Variants in LRRN2 observed in about 807,000 individuals in gnomAD.
LRRN2 encodes leucine-rich repeat neuronal protein 2.
A neutral mutation model predicts 35.7 loss-of-function variants in LRRN2; 10 were observed. That is an observed-to-expected ratio of 0.28 (90% CI 0.17 to 0.47). The LOEUF (loss-of-function observed/expected upper bound fraction) is 0.47. Ranked by LOEUF, LRRN2 falls within the 20% of genes least tolerant of loss-of-function variation. The pLI is 0.99. For synonymous variants in LRRN2, 391 were observed against 409.6 expected (o/e 0.95, Z 0.55); for missense variants, 731 against 940.3 (o/e 0.78, Z 2.91).
At position 204,636,736 on chromosome 1, in the gene LRRN2, G is replaced by A. The variant is rs138728866; in HGVS notation, c.-226-16518C>T. Among the ~76,000 whole-genome samples, 629 of 152,290 alleles carry A rather than the reference G, an allele frequency of 4.1e-3. 7 individuals carry two copies. Among genetic ancestry groups the A allele is most frequent in the African/African-American group, 0.014 (599 of 41,548 alleles). ...GCCATGATCGCATGACTGCACTCCA[G>A]CCTGGGAGACAGAGGGTGACTCTGT... On this transcript the variant is annotated intron_variant, in intron 1 of 1. Coordinates refer to ENST00000367177, the MANE Select transcript of LRRN2 (RefSeq NM_201630.2).
intron 1 of LRRN2, among the ~76,000 whole-genome samples, chr1:204,666,962 CAAAAAAAAAAAA>C (rs34503593): frequency 3.1e-5 from 2 of 64,814 alleles, no homozygotes; most frequent in African/African-American, 1.3e-4. Flanking sequence ...ACTCTGTCTC[CAAAAAAAAAAAA>C]AAAAAAAAAA....
chr1:204,652,326 C>CATT (rs1668254827), intron 1 of LRRN2, among the ~76,000 whole-genome samples: 2 of 143,788 alleles, frequency 1.4e-5, no homozygotes, highest in Admixed American at 7.2e-5. Context: ...GGCGCCTTGA[C>CATT]ATTAACCCAC....
chr1:204,683,192 GC>G (rs1464973171), intron 1 of LRRN2, among the ~76,000 whole-genome samples: 1 of 152,240 alleles, frequency 6.6e-6, no homozygotes, highest in Non-Finnish European at 1.5e-5. Flanking sequence ...AGGCCCACCA[GC>G]CCAGGCTCCT....
chr1:204,669,000 C>A (rs1256049110), intron 1 of LRRN2, among the ~76,000 whole-genome samples: 1 of 152,066 alleles, frequency 6.6e-6, no homozygotes, highest in Non-Finnish European at 1.5e-5. Flanking sequence ...ATTTTTAAAT[C>A]TTTTGTAGAG....
chr1:204,664,767 CT>C (rs1668542591), intron 1 of LRRN2, among the ~76,000 whole-genome samples: 1 of 152,212 alleles, frequency 6.6e-6, no homozygotes, highest in South Asian at 2.1e-4. Flanking sequence ...ACGCTACCAA[CT>C]TCCTTCTTGG....
chr1:204,621,980 C>A (rs1352327355), intron 1 of LRRN2: 2 of 167,126 alleles, frequency 1.2e-5, no homozygotes, highest in East Asian at 1.9e-4. Flanking sequence ...ACTAATACCT[C>A]CAGTTTGCAG....
intron 1 of LRRN2, among the ~76,000 whole-genome samples, chr1:204,642,992 G>A (rs756945598): frequency 6.6e-6 from 1 of 152,122 alleles, no homozygotes; most frequent in Non-Finnish European, 1.5e-5. Context: ...CTGATTGTCG[G>A]GCAGCCCACC....
intron 1 of LRRN2, among the ~76,000 whole-genome samples, chr1:204,633,818 C>T (rs963794227): frequency 2.0e-5 from 3 of 152,252 alleles, no homozygotes; most frequent in African/African-American, 7.2e-5. Flanking sequence ...TTGACTTATT[C>T]AAGCTCCGTT....
At chr1:204,648,914 C>T (rs1487275167) in intron 1 of LRRN2, among the ~76,000 whole-genome samples, 6 of 152,286 alleles carry the variant, frequency 3.9e-5, no homozygotes, top group African/African-American at 1.4e-4. Flanking sequence ...GAGGCCTTTC[C>T]ACTAGCCGAG....
chr1:204,648,049 CTT>C (rs1668148091), intron 1 of LRRN2, among the ~76,000 whole-genome samples: 1 of 152,170 alleles, frequency 6.6e-6, no homozygotes, highest in East Asian at 1.9e-4. Flanking sequence ...ATTAGAAAGA[CTT>C]AGGTTCAAAT....
rs560689305 is a variant in LRRN2 at position 204,638,150 on chromosome 1, C to T, written c.-226-17932G>A. Among the ~76,000 whole-genome samples the T allele has an allele frequency of 4.4e-5, 6 of 137,528 alleles. No individual in the cohort carries two copies. In the East Asian group the frequency reaches 1.3e-3, roughly 30 times the overall value. The allele number at this position is 137,528 out of a possible 152,430, so 90.2% of individuals were successfully genotyped here. A position where few individuals can be genotyped will look rare whatever the true frequency, so the allele number is the denominator to read the frequency against. ...CAGGCCTTGGCATGAGGCCTGCAGG[C>T]AGAGGCCTGGGGAATATAATCACCA... is the stretch of plus-strand genomic sequence containing the variant. On this transcript the variant is annotated intron_variant, in intron 1 of 1. Coordinates refer to ENST00000367177, the MANE Select transcript of LRRN2 (RefSeq NM_201630.2).
intron 1 of LRRN2, among the ~76,000 whole-genome samples, chr1:204,660,349 T>C (rs1158794944): frequency 6.6e-6 from 1 of 152,212 alleles, no homozygotes; most frequent in Non-Finnish European, 1.5e-5. Context: ...CTTTCTTTCT[T>C]TTCCTCCTCT....
At chr1:204,640,670 A>G (rs1667957226) in intron 1 of LRRN2, among the ~76,000 whole-genome samples, 1 of 151,734 alleles carries the variant, frequency 6.6e-6, no homozygotes, top group African/African-American at 2.4e-5. Context: ...TTCTCACCCC[A>G]TGAGGCCCTG....
rs1348141118 is a variant in LRRN2, at chr1:204,685,628, G to C, written c.-535C>G. 6.6e-6 allele frequency: 1 copy of C among 151,848 alleles called. No individual in the cohort carries two copies. Among genetic ancestry groups the C allele is most frequent in the Non-Finnish European group, 1.5e-5 (1 of 67,938 alleles). 9.4% of individuals were successfully genotyped at this position (151,848 alleles called of 1,614,324 possible). ...CGCTCCTTGAGAGCGCCGCGCGTTCGCAGGTGCCCGGAGCAGGCCCTCGCG... is the reference window on the plus strand; with the variant it reads ...CGCTCCTTGAGAGCGCCGCGCGTTCCCAGGTGCCCGGAGCAGGCCCTCGCG... On this transcript the variant is annotated 5_prime_UTR_variant, in exon 1 of 2. Transcript: ENST00000367177.
intron 1 of LRRN2, among the ~76,000 whole-genome samples, chr1:204,676,257 A>T (rs1015646242): frequency 6.6e-6 from 1 of 152,076 alleles, no homozygotes; most frequent in Non-Finnish European, 1.5e-5. Context: ...GTCTTTCCAC[A>T]CTTTGACCTT....
At chr1:204,630,033 C>T (rs1401296727) in intron 1 of LRRN2, among the ~76,000 whole-genome samples, 1 of 152,138 alleles carries the variant, frequency 6.6e-6, no homozygotes, top group East Asian at 1.9e-4. Context: ...ACTCCAAACC[C>T]CAGCATCATG....
rs140138640 is a variant in LRRN2 at position 204,653,037 on chromosome 1, G to A, written c.-227+32283C>T. Among the ~76,000 whole-genome samples the A allele has an allele frequency of 1.6e-3, 244 of 152,320 alleles. 1 individual carries two copies. Among genetic ancestry groups the A allele is most frequent in the East Asian group, 4.8e-3 (25 of 5,188 alleles). On this transcript the variant is annotated intron_variant, in intron 1 of 1. Coordinates refer to ENST00000367177, the MANE Select transcript of LRRN2 (RefSeq NM_201630.2). The stretch of plus-strand genomic sequence containing the variant: ...TCAGAGCTTCTGCGGAAGGGACCTC[G>A]GTATCCACCTCATTCTGCTTCCTTT...
intron 1 of LRRN2, among the ~76,000 whole-genome samples, chr1:204,662,456 CA>C (rs1043893961): frequency 3.3e-5 from 5 of 152,144 alleles, no homozygotes; most frequent in Admixed American, 3.3e-4. Flanking sequence ...AGAAGTTCAC[CA>C]ACTTGTCCAA....
intron 1 of LRRN2, among the ~76,000 whole-genome samples, chr1:204,658,891 C>A (rs1262577585): frequency 1.3e-5 from 2 of 152,208 alleles, no homozygotes; most frequent in East Asian, 3.8e-4. Context: ...GCACAAAGCA[C>A]CAGAGATGTT....
Sources: allele counts gnomAD v4.1 joint callset (sites outside exome capture counted in the v4.1 genomes callset), GRCh38; gene constraint gnomAD v4.1.1; transcripts MANE v1.5; gene names NCBI Gene and HGNC (gene_info 2026-07-23, HGNC 2026-07-21).